ARMH3: variants seen among roughly 807,000 people sequenced by gnomAD.
The protein encoded by ARMH3 is armadillo-like helical domain-containing protein 3.
A neutral mutation model predicts 99.1 loss-of-function variants in ARMH3; 60 were observed. The observed-to-expected ratio is 0.61, with a 90% CI of 0.49 to 0.75. The LOEUF is 0.75. Ranked by LOEUF, ARMH3 falls within the 30% of genes least tolerant of loss-of-function variation. The pLI is 0.00. For missense variants in ARMH3, 679 were observed against 843.1 expected, an observed-to-expected ratio of 0.81 and a Z score of 2.41; for synonymous variants, 285 against 292.8, an observed-to-expected ratio of 0.97 and a Z score of 0.27.
chr10:102,009,570 A>G (rs900066283), intron 12 of ARMH3, 121 bp from the exon 13 acceptor site: 10 of 900,008 alleles, frequency 1.1e-5, no homozygotes, highest in East Asian at 2.4e-5. Context: ...TTGCATTTCT[A>G]AAGTTCCCCT....
At chr10:102,003,363 T>C (rs1353301537) in intron 14 of ARMH3, among the ~76,000 whole-genome samples, 2 of 152,126 alleles carry the variant, frequency 1.3e-5, no homozygotes, top group Non-Finnish European at 2.9e-5. Context: ...GGTTTCACCA[T>C]GTTGGCCAGG....
chr10:101,894,898 G>C (rs575434585), intron 23 of ARMH3, among the ~76,000 whole-genome samples: 3 of 147,254 alleles, frequency 2.0e-5, no homozygotes, highest in African/African-American at 7.5e-5. Context: ...AGGCACCAGA[G>C]AGCTCTCTTG....
intron 5 of ARMH3, among the ~76,000 whole-genome samples, chr10:102,026,162 G>C (rs1422933768): frequency 2.0e-5 from 3 of 152,032 alleles, no homozygotes; most frequent in Non-Finnish European, 4.4e-5. Flanking sequence ...TGAAACCCTT[G>C]TATACTACAA....
chr10:101,871,667 G>T (rs976446089), intron 24 of ARMH3, among the ~76,000 whole-genome samples: 10 of 152,128 alleles, frequency 6.6e-5, no homozygotes, highest in Admixed American at 2.6e-4. Context: ...ATGAATCACA[G>T]AACTAAATGT....
chr10:101,891,169 T>C (rs1253196193), intron 23 of ARMH3, among the ~76,000 whole-genome samples: 1 of 151,696 alleles, frequency 6.6e-6, no homozygotes, highest in Non-Finnish European at 1.5e-5. Flanking sequence ...CCATTGCTCC[T>C]GACGCTGACT....
intron 4 of ARMH3, 67 bp from the exon 5 acceptor site, chr10:102,029,812 G>A (rs1253673283): frequency 5.6e-6 from 8 of 1,429,814 alleles, no homozygotes; most frequent in Middle Eastern, 1.8e-4. Flanking sequence ...CCACATTGCA[G>A]CCTCATCCTT....
chr10:101,866,378 A>G (rs1433144136), intron 24 of ARMH3, among the ~76,000 whole-genome samples: 1 of 152,022 alleles, frequency 6.6e-6, no homozygotes, highest in South Asian at 2.1e-4. Flanking sequence ...GAGTCAGAGC[A>G]TTACAAGAAG....
At chr10:102,022,237 C>A (rs2066901355) in intron 8 of ARMH3, among the ~76,000 whole-genome samples, 1 of 151,816 alleles carries the variant, frequency 6.6e-6, no homozygotes, top group Non-Finnish European at 1.5e-5. Context: ...ACAAAAAAAT[C>A]AAATCTTTCT....
At chr10:101,910,743 A>C (rs534839436) in intron 23 of ARMH3, among the ~76,000 whole-genome samples, 15 of 151,698 alleles carry the variant, frequency 9.9e-5, no homozygotes, top group African/African-American at 2.9e-4. Flanking sequence ...AAAAAAAAAA[A>C]AAAACAACAA....
chr10:101,920,825 A>T (rs1843277440), intron 23 of ARMH3, among the ~76,000 whole-genome samples: 1 of 152,148 alleles, frequency 6.6e-6, no homozygotes, highest in Non-Finnish European at 1.5e-5. Context: ...AAAAGGAAGG[A>T]AATTCTGACA....
chr10:101,847,833 A>T (rs1382566579), intron 25 of ARMH3, among the ~76,000 whole-genome samples: 1 of 152,212 alleles, frequency 6.6e-6, no homozygotes, highest in African/African-American at 2.4e-5. Context: ...GGACAGGAAC[A>T]AACTCTGGAG....
At chr10:102,026,764 T>C (rs2067009662) in intron 5 of ARMH3, among the ~76,000 whole-genome samples, 2 of 152,142 alleles carry the variant, frequency 1.3e-5, no homozygotes, top group African/African-American at 4.8e-5. Context: ...AATGAAGGAT[T>C]TTAAGCAGGA....
intron 23 of ARMH3, among the ~76,000 whole-genome samples, chr10:101,898,685 C>T (rs751621180): frequency 3.9e-5 from 6 of 152,314 alleles, no homozygotes; most frequent in South Asian, 4.1e-4. Flanking sequence ...TACGCGCACA[C>T]GCGCACACAC....
chr10:101,930,799 C>T (rs535334988), intron 23 of ARMH3, among the ~76,000 whole-genome samples: 1 of 152,264 alleles, frequency 6.6e-6, no homozygotes, highest in African/African-American at 2.4e-5. Flanking sequence ...ATAAGATTCC[C>T]AGACTTGCAC....
At chr10:101,963,571 T>A (rs1393161450) in intron 20 of ARMH3, among the ~76,000 whole-genome samples, 2 of 152,104 alleles carry the variant, frequency 1.3e-5, no homozygotes, top group African/African-American at 4.8e-5. Flanking sequence ...GTGCCTGGCC[T>A]ATTTACTTAT....
intron 1 of ARMH3, among the ~76,000 whole-genome samples, chr10:102,041,486 T>C (rs1037871243): frequency 1.3e-5 from 2 of 152,148 alleles, no homozygotes; most frequent in Admixed American, 6.5e-5. Context: ...ATCTTTCTGA[T>C]CAAAATCAAA....
At chr10:102,017,227 C>T (rs1282106526) in intron 8 of ARMH3, among the ~76,000 whole-genome samples, 2 of 152,152 alleles carry the variant, frequency 1.3e-5, no homozygotes, top group African/African-American at 4.8e-5. Context: ...TGTCAAAAAC[C>T]TTCCTACTCC....
intron 8 of ARMH3, among the ~76,000 whole-genome samples, chr10:102,015,518 G>A (rs1020017382): frequency 5.3e-5 from 8 of 151,954 alleles, no homozygotes; most frequent in Admixed American, 2.0e-4. Flanking sequence ...AGCCTCCTGA[G>A]TAGCTGGGAT....
intron 2 of ARMH3, 92 bp downstream of exon 2, chr10:102,039,921 C>A (rs1288555112): frequency 8.2e-7 from 1 of 1,221,630 alleles, no homozygotes; most frequent in African/African-American, 1.5e-5. Flanking sequence ...CCCCAAGGAA[C>A]CTGAAGGTAG....
Sources: gnomAD v4.1 joint callset for allele counts (sites outside exome capture counted in the v4.1 genomes callset) on GRCh38, gnomAD v4.1.1 for gene constraint, MANE v1.5 for transcripts, NCBI Gene and HGNC (gene_info 2026-07-23, HGNC 2026-07-21) for gene names.